The following PRKN variants were observed in gnomAD, a reference collection of about 807,000 sequenced individuals.
PRKN encodes the protein parkin RBR E3 ubiquitin protein ligase.
PRKN carries 56 observed loss-of-function variants against 59.5 expected under a neutral mutation model. The observed-to-expected ratio is 0.94, with a 90% CI of 0.76 to 1.18. PRKN has a LOEUF of 1.18. Ranked by LOEUF, PRKN falls within the 50% of genes most tolerant of loss-of-function variation. PRKN has a pLI of 0.00. For missense variants in PRKN, 657 were observed against 596.4 expected (o/e 1.10, Z -1.06); for synonymous variants, 250 against 222.1 (o/e 1.13, Z -1.12).
intron 4 of PRKN, among the ~76,000 whole-genome samples, chr6:162,083,140 A>G (rs1477864944): frequency 6.6e-6 from 1 of 151,934 alleles, no homozygotes; most frequent in African/African-American, 2.4e-5. Context: ...CTTTTAATAG[A>G]GACGGGGTTT....
At chr6:162,322,988 G>A (rs56001317) in intron 2 of PRKN, among the ~76,000 whole-genome samples, 11,317 of 146,832 alleles carry the variant, frequency 0.077, 563 homozygotes, top group Middle Eastern at 0.16. Context: ...ACCAAACACC[G>A]CATATTCTCA....
intron 9 of PRKN, among the ~76,000 whole-genome samples, chr6:161,469,646 G>A (rs1401300314): frequency 1.3e-5 from 2 of 152,050 alleles, no homozygotes; most frequent in African/African-American, 2.4e-5. Flanking sequence ...GATGGAGGAA[G>A]GGACCTCAAG....
At chr6:162,378,498 C>T (rs1290858697) in intron 2 of PRKN, among the ~76,000 whole-genome samples, 1 of 152,236 alleles carries the variant, frequency 6.6e-6, no homozygotes, top group East Asian at 1.9e-4. Flanking sequence ...GCAACGTCAT[C>T]AGCAAAAGCA....
chr6:161,667,855 T>C (rs990969074), intron 7 of PRKN, among the ~76,000 whole-genome samples: 3 of 152,184 alleles, frequency 2.0e-5, no homozygotes, highest in Non-Finnish European at 4.4e-5. Context: ...AACACAGCAA[T>C]AATCATAGAA....
chr6:161,752,563 C>A (rs1029372432), intron 7 of PRKN, among the ~76,000 whole-genome samples: 1 of 151,344 alleles, frequency 6.6e-6, no homozygotes, highest in Non-Finnish European at 1.5e-5. Flanking sequence ...TGCATTGGTG[C>A]GCACCTGTAG....
intron 5 of PRKN, among the ~76,000 whole-genome samples, chr6:162,023,162 C>T (rs534631023): frequency 6.6e-6 from 1 of 151,976 alleles, no homozygotes; most frequent in East Asian, 1.9e-4. Flanking sequence ...GGGGCTCCCA[C>T]CCCACAGCAG....
chr6:162,704,704 G>T (rs969216662), intron 1 of PRKN, among the ~76,000 whole-genome samples: 1 of 152,064 alleles, frequency 6.6e-6, no homozygotes, highest in South Asian at 2.1e-4. Flanking sequence ...TCATTGACTC[G>T]TCTAAGAATT....
intron 4 of PRKN, among the ~76,000 whole-genome samples, chr6:162,130,347 A>T (rs1781299043): frequency 6.6e-6 from 1 of 152,196 alleles, no homozygotes; most frequent in African/African-American, 2.4e-5. Flanking sequence ...AATCTCAGTG[A>T]TAACCCAATA....
intron 4 of PRKN, among the ~76,000 whole-genome samples, chr6:162,193,124 T>C (rs1041211093): frequency 1.3e-5 from 2 of 152,176 alleles, no homozygotes; most frequent in Admixed American, 6.5e-5. Flanking sequence ...TGAAAATAAA[T>C]AGCTGGATTG....
At chr6:162,207,235 G>A (rs978777660) in intron 3 of PRKN, among the ~76,000 whole-genome samples, 6 of 152,204 alleles carry the variant, frequency 3.9e-5, no homozygotes, top group African/African-American at 1.4e-4. Context: ...AGCCGGCTTG[G>A]TGGCCGGACC....
chr6:161,381,415 A>G (rs1484768645), intron 10 of PRKN, among the ~76,000 whole-genome samples: 5 of 152,198 alleles, frequency 3.3e-5, no homozygotes, highest in Non-Finnish European at 7.4e-5. Flanking sequence ...CTATGGACAA[A>G]ATCTATCACA....
rs578055362 is a variant in PRKN at position 161,456,448 on chromosome 6, T to C, written c.1084-69571A>G. Among the ~76,000 whole-genome samples, 108 of 152,318 alleles carry C rather than the reference T, an allele frequency of 7.1e-4. No homozygotes were observed. The highest frequency in any genetic ancestry group is 2.4e-3 in the African/African-American group (99 of 41,578). ...CAGACTGAAGGCTGCACTGTCGGCT[T>C]CCCTACTTTTGAGGTTTTGGGAGTC... On this transcript the variant is annotated intron_variant, in intron 9 of 11. Transcript: ENST00000366898. This position sits in a 1 kb window ranked among gnomAD's most constrained non-coding sequence, Gnocchi z 4.8.
intron 2 of PRKN, among the ~76,000 whole-genome samples, chr6:162,439,462 G>C (rs1251389187): frequency 1.3e-5 from 2 of 151,492 alleles, no homozygotes; most frequent in African/African-American, 4.9e-5. Context: ...TTCCACATCT[G>C]AGGTAACGTA....
rs150530544 is a variant in PRKN at position 161,378,730 on chromosome 6, G to C, written c.1167+8064C>G. ...GACGGATGGACCAGGCTTGCACGATGCCGCTGGAGCTGCACTGTGATGTGG... is the reference window on the plus strand; with the variant it reads ...GACGGATGGACCAGGCTTGCACGATCCCGCTGGAGCTGCACTGTGATGTGG... On this transcript the variant is annotated intron_variant, in intron 10 of 11. Coordinates refer to ENST00000366898, the MANE Select transcript of PRKN (RefSeq NM_004562.3). This position sits in a 1 kb window ranked among gnomAD's most constrained non-coding sequence, Gnocchi z 7.3. Among the ~76,000 whole-genome samples, 3 of 152,308 alleles carry C rather than the reference G, an allele frequency of 2.0e-5. No individual in the cohort carries two copies. Among genetic ancestry groups the C allele is most frequent in the African/African-American group, 7.2e-5 (3 of 41,566 alleles).
chr6:161,485,429 A>G (rs578113093), intron 9 of PRKN, among the ~76,000 whole-genome samples: 12 of 152,298 alleles, frequency 7.9e-5, no homozygotes, highest in Middle Eastern at 3.4e-3. Context: ...CAATGTGAAC[A>G]CTCAGACAGG....
intron 7 of PRKN, among the ~76,000 whole-genome samples, chr6:161,719,136 C>T (rs1025930241): frequency 6.6e-6 from 1 of 151,922 alleles, no homozygotes; most frequent in Non-Finnish European, 1.5e-5. Context: ...CACCCCTCAT[C>T]GCCTAGCGAA....
intron 4 of PRKN, among the ~76,000 whole-genome samples, chr6:162,168,271 A>T (rs746555360): frequency 2.0e-5 from 3 of 152,134 alleles, no homozygotes; most frequent in Non-Finnish European, 4.4e-5. Context: ...GCTTTATCAT[A>T]GGTACAGGCT....
intron 9 of PRKN, among the ~76,000 whole-genome samples, chr6:161,489,243 A>AAC (rs2115265620): frequency 6.6e-6 from 1 of 151,548 alleles, no homozygotes; most frequent in East Asian, 1.9e-4. Context: ...AAAAAAAAAA[A>AAC]CATGGGCAAT....
chr6:162,391,118 T>TACTTATTTCAAGTGCATCTC (rs1787162611), intron 2 of PRKN, among the ~76,000 whole-genome samples: 1 of 152,206 alleles, frequency 6.6e-6, no homozygotes, highest in Non-Finnish European at 1.5e-5. Flanking sequence ...AATGTTGAAA[T>TACTTATTTCAAGTGCATCTC]ACTTATTTCA....
Sources: gnomAD v4.1 joint callset for allele counts (sites outside exome capture counted in the v4.1 genomes callset) on GRCh38, gnomAD v4.1.1 for gene constraint, Gnocchi (gnomAD v3.1) non-coding constraint, MANE v1.5 for transcripts, NCBI Gene and HGNC (gene_info 2026-07-23, HGNC 2026-07-21) for gene names.